The following SLC19A2 variants were observed in gnomAD, a reference collection of about 807,000 sequenced individuals.
SLC19A2 encodes the protein thiamine transporter 1.
SLC19A2 carries 27 observed loss-of-function variants against 44.7 expected under a neutral mutation model. That is an observed-to-expected ratio of 0.60 (90% CI 0.45 to 0.83). The LOEUF (loss-of-function observed/expected upper bound fraction) is 0.83. SLC19A2 is among the 40% of genes least tolerant of loss of function. The pLI, the probability that SLC19A2 is intolerant of heterozygous loss-of-function variation, is 0.00. For synonymous variants in SLC19A2, 239 were observed against 243.6 expected (o/e 0.98, Z 0.18); for missense variants, 566 against 613.7 (o/e 0.92, Z 0.82).
At chr1:169,470,716 ATTAC>A (rs985181661) in intron 2 of SLC19A2, among the ~76,000 whole-genome samples, 14 of 152,312 alleles carry the variant, frequency 9.2e-5, no homozygotes, top group Admixed American at 4.6e-4. Flanking sequence ...AACTTTTTAT[ATTAC>A]TTAATATTTA....
chr1:169,475,700 C>T (rs577562771), intron 2 of SLC19A2, among the ~76,000 whole-genome samples: 1 of 152,276 alleles, frequency 6.6e-6, no homozygotes, highest in East Asian at 1.9e-4. Context: ...TTCATTGCCA[C>T]TTAATCCTTG....
intron 2 of SLC19A2, among the ~76,000 whole-genome samples, chr1:169,476,572 G>A (rs576106124): frequency 1.3e-5 from 2 of 152,174 alleles, no homozygotes; most frequent in African/African-American, 4.8e-5. Flanking sequence ...ACAAAAATTA[G>A]CTGGGCGTGG....
Position 169,477,691 on chromosome 1 carries a change from C to T in SLC19A2, c.271G>A (p.Ala91Thr). ...YLVLLFPVFL[A>T]TDYLRYKPVV... ...GGTTTATAACGGAGGTAGTCTGTGG[C>T]AAGGAACACAGGAAACAGTAGCACC... The change falls in exon 2 of 6, where the codon GCC (alanine) becomes ACC (threonine). Residue 91 changes from alanine (A) to threonine (T), a missense_variant. Transcript: ENST00000236137. The T allele has an allele frequency of 6.2e-7, 1 of 1,612,288 alleles. No homozygotes were observed. Among genetic ancestry groups the T allele is most frequent in the Non-Finnish European group, 8.5e-7 (1 of 1,179,728 alleles).
Position 169,485,942 on chromosome 1 carries a change from T to TTTACC in SLC19A2, c.-177_-176insGGTAA. 2.7e-6 allele frequency: 2 copies of TTTACC among 744,546 alleles called. No individual in the cohort carries two copies. The highest frequency in any genetic ancestry group is 5.9e-5 in the Admixed American group (2 of 33,784). The allele number at this position is 744,546 out of a possible 1,614,324, so 46.1% of individuals were successfully genotyped here. A position where few individuals can be genotyped will look rare whatever the true frequency, so the allele number is the denominator to read the frequency against. On this transcript the variant is annotated 5_prime_UTR_variant, in exon 1 of 6. Transcript: ENST00000236137. The stretch of plus-strand genomic sequence containing the variant: ...CCCCCAGCTTTACCCTACAGACGCC[T>TTTACC]CTAGGGTCGCTGCCTGATCGCCCAG...
At chr1:169,475,424 C>A (rs1658283094) in intron 2 of SLC19A2, among the ~76,000 whole-genome samples, 1 of 151,880 alleles carries the variant, frequency 6.6e-6, no homozygotes, top group Non-Finnish European at 1.5e-5. Context: ...TACTTATATT[C>A]AAAAAAGTTT....
chr1:169,477,653 CAGT>C lies in SLC19A2; in HGVS notation c.306_308del (p.Leu103del). 1 of 1,613,760 alleles carries C rather than the reference CAGT, an allele frequency of 6.2e-7. No homozygotes were observed. The highest frequency in any genetic ancestry group is 8.5e-7 in the Non-Finnish European group (1 of 1,179,966). ...ATGTAACAATAAGGCTGAGCCCCTG[CAGT>C]AGAACAACAGGTTTATAACGGAGGT... On this transcript the variant is annotated inframe_deletion, in exon 2 of 6. Transcript: ENST00000236137.
intron 4 of SLC19A2, 132 bp downstream of exon 4, chr1:169,468,512 G>A: frequency 1.3e-6 from 1 of 763,304 alleles, no homozygotes; most frequent in Non-Finnish European, 2.2e-6. Context: ...AACTGATAAT[G>A]CACATATAAT....
At chr1:169,470,533 A>G (rs1322234808) in intron 2 of SLC19A2, among the ~76,000 whole-genome samples, 2 of 151,686 alleles carry the variant, frequency 1.3e-5, no homozygotes, top group Non-Finnish European at 2.9e-5. Flanking sequence ...CAAGAATAAT[A>G]ATAAGCAACA....
At position 169,465,919 on chromosome 1, in the gene SLC19A2, G is replaced by A; in HGVS notation, c.1424C>T (p.Ala475Val). The change falls in exon 6 of 6, where the codon GCA (alanine) becomes GTA (valine). Residue 475 changes from alanine to valine, a missense_variant. Physicochemically the swap from Ala to Val is moderately conservative, Grantham distance 64. Coordinates refer to ENST00000236137, the MANE Select transcript of SLC19A2 (RefSeq NM_006996.3). ...TCTACATTTCTTCATAACACTGACTGCACCACTGGCCAGGAAAACCACAGC... is the reference window on the plus strand; with the variant it reads ...TCTACATTTCTTCATAACACTGACTACACCACTGGCCAGGAAAACCACAGC... Reference protein sequence around the residue: ...LIAVVFLASGAVSVMKKCRKL... With the variant: ...LIAVVFLASGVVSVMKKCRKL... The A allele has an allele frequency of 3.1e-6, 5 of 1,614,036 alleles. No homozygotes were observed. The highest frequency in any genetic ancestry group is 4.2e-6 in the Non-Finnish European group (5 of 1,179,910).
At chr1:169,480,429 C>G (rs1658419337) in intron 1 of SLC19A2, among the ~76,000 whole-genome samples, 1 of 152,098 alleles carries the variant, frequency 6.6e-6, no homozygotes, top group Admixed American at 6.5e-5. Context: ...TCTCCTGCCT[C>G]AGCCTCCCGA....
At position 169,477,674 on chromosome 1, in the gene SLC19A2, A is replaced by G. The variant is rs962529350; in HGVS notation, c.288T>C (p.Arg96=). Residue 96 remains arginine, a synonymous_variant, in exon 2 of 6, where the codon CGT becomes CGC. Coordinates refer to ENST00000236137, the MANE Select transcript of SLC19A2 (RefSeq NM_006996.3). ...FPVFLATDYL[R]YKPVVLLQGL... is the part of the protein sequence containing the mutation. ...CCTGCAGTAGAACAACAGGTTTATA[A>G]CGGAGGTAGTCTGTGGCAAGGAACA... is the stretch of plus-strand genomic sequence containing the variant. 3.7e-6 allele frequency: 6 copies of G among 1,613,990 alleles called. No individual in the cohort carries two copies. The African/African-American group carries it at 4.0e-5, about 11-fold the overall frequency.
chr1:169,482,908 G>A (rs1439724477), intron 1 of SLC19A2, among the ~76,000 whole-genome samples: 3 of 152,102 alleles, frequency 2.0e-5, no homozygotes, highest in Non-Finnish European at 4.4e-5. Flanking sequence ...TGAATATCAG[G>A]CAAAATAGGT....
chr1:169,481,854 A>C (rs1156509583), intron 1 of SLC19A2, among the ~76,000 whole-genome samples: 2 of 152,226 alleles, frequency 1.3e-5, no homozygotes, highest in Non-Finnish European at 2.9e-5. Flanking sequence ...TTAAACAACT[A>C]ATAGGCAGTT....
In SLC19A2 at chr1:169,465,364, G is replaced by C; in HGVS notation, c.*485C>G. ...TATGTAGAAAGACCAATGTACATGA[G>C]TAACACAGAAATAAGAATTAAATTG... On this transcript the variant is annotated 3_prime_UTR_variant, in exon 6 of 6. Transcript: ENST00000236137. 5.8e-6 allele frequency: 1 copy of C among 171,870 alleles called. No individual in the cohort carries two copies. Among genetic ancestry groups the C allele is most frequent in the Non-Finnish European group, 1.3e-5 (1 of 79,500 alleles). 10.6% of individuals were successfully genotyped at this position (171,870 alleles called of 1,614,324 possible). A position where few individuals can be genotyped will look rare whatever the true frequency, so the allele number is the denominator to read the frequency against.
chr1:169,469,214 A>G, intron 3 of SLC19A2: 1 of 251,116 alleles, frequency 4.0e-6, no homozygotes, highest in East Asian at 1.1e-4. Flanking sequence ...GCAGTCTAGA[A>G]CATGGCAAAA....
At position 169,485,697 on chromosome 1, in the gene SLC19A2, G is replaced by A. The variant is rs778987954; in HGVS notation, c.70C>T (p.Arg24Trp). ...AAATVLLRTA[R>W]VRRECWFLPT... is the part of the protein sequence containing the mutation. ...AAGAACCAGCATTCGCGACGGACCC[G>A]AGCGGTCCGCAGGAGCACAGTGGCC... The change falls in exon 1 of 6, where the codon CGG (arginine) becomes TGG (tryptophan). Residue 24 changes from arginine to tryptophan, a missense_variant. By Grantham distance (101) the Arg-to-Trp change is moderately radical (BLOSUM62 -3). Coordinates refer to ENST00000236137, the MANE Select transcript of SLC19A2 (RefSeq NM_006996.3). The A allele has an allele frequency of 5.2e-6, 8 of 1,546,488 alleles. No individual in the cohort carries two copies. The highest frequency in any genetic ancestry group is 2.7e-5 in the African/African-American group (2 of 73,008).
At chr1:169,467,337 T>C (rs1312089009) in intron 5 of SLC19A2, among the ~76,000 whole-genome samples, 3 of 152,194 alleles carry the variant, frequency 2.0e-5, no homozygotes, top group African/African-American at 7.2e-5. Flanking sequence ...ACAAATCCTA[T>C]ATAAAGCACT....
chr1:169,483,175 T>A (rs988530745), intron 1 of SLC19A2, among the ~76,000 whole-genome samples: 1 of 152,222 alleles, frequency 6.6e-6, no homozygotes. Context: ...CCTCTCCTTT[T>A]GTTTTAGGAT....
chr1:169,465,222 G>A lies in SLC19A2; in HGVS notation c.*627C>T, dbSNP rs886045527. 6.6e-6 allele frequency: 1 copy of A among 152,154 alleles called. No individual in the cohort carries two copies. Among genetic ancestry groups the A allele is most frequent in the Non-Finnish European group, 1.5e-5 (1 of 68,088 alleles). 9.4% of individuals were successfully genotyped at this position (152,154 alleles called of 1,614,324 possible). A position where few individuals can be genotyped will look rare whatever the true frequency, so the allele number is the denominator to read the frequency against. On this transcript the variant is annotated 3_prime_UTR_variant, in exon 6 of 6. Transcript: ENST00000236137. ...CAGAAATAAATAATCGTCACAATGGGAACCAAGAACATTCATATGATGAAT... is the reference window on the plus strand; with the variant it reads ...CAGAAATAAATAATCGTCACAATGGAAACCAAGAACATTCATATGATGAAT...
Sources: allele counts gnomAD v4.1 joint callset (sites outside exome capture counted in the v4.1 genomes callset), GRCh38; gene constraint gnomAD v4.1.1; transcripts MANE v1.5; gene names NCBI Gene and HGNC (gene_info 2026-07-23, HGNC 2026-07-21).